ATXN3: variants seen among roughly 807,000 people sequenced by gnomAD.
ATXN3 encodes the protein ataxin-3.
In ATXN3, 28 loss-of-function variants were observed where a neutral mutation model predicts 58.2. The ratio of observed to expected loss-of-function variants is 0.48; its 90% CI spans 0.36 to 0.66. The LOEUF (loss-of-function observed/expected upper bound fraction) is 0.66, where lower values mean the gene tolerates loss of function less well. Ranked by LOEUF, ATXN3 falls within the 30% of genes least tolerant of loss-of-function variation. ATXN3 has a pLI of 0.00. For synonymous variants in ATXN3, 113 were observed against 138.5 expected, an observed-to-expected ratio of 0.82 and a Z score of 1.29; for missense variants, 321 against 422.1, an observed-to-expected ratio of 0.76 and a Z score of 2.10.
intron 9 of ATXN3, among the ~76,000 whole-genome samples, chr14:92,078,323 GT>G (rs963838970): frequency 6.6e-6 from 1 of 151,114 alleles, no homozygotes; most frequent in Non-Finnish European, 1.5e-5. Context: ...TAGAATGTTA[GT>G]TTTTCTAATT....
upstream of ATXN3, among the ~76,000 whole-genome samples, chr14:92,051,068 C>T (rs1194867496): frequency 6.6e-6 from 1 of 152,192 alleles, no homozygotes; most frequent in Non-Finnish European, 1.5e-5. Context: ...TAATTTTAGA[C>T]ATTACCAACT....
chr14:92,082,224 T>C (rs2061598252), intron 8 of ATXN3, 76 bp downstream of exon 8: 1 of 1,484,002 alleles, frequency 6.7e-7, no homozygotes, highest in Non-Finnish European at 9.1e-7. Flanking sequence ...AAGAGTACAT[T>C]AACTTCCATG....
intron 1 of ATXN3, among the ~76,000 whole-genome samples, chr14:92,103,203 G>A (rs750040795): frequency 6.6e-6 from 1 of 151,498 alleles, no homozygotes; most frequent in Non-Finnish European, 1.5e-5. Context: ...AAAGGTTTAA[G>A]TTAGGGGTTG....
At chr14:92,089,299 A>ATGTG in intron 5 of ATXN3, among the ~76,000 whole-genome samples, 1 of 141,020 alleles carries the variant, frequency 7.1e-6, no homozygotes, top group South Asian at 2.3e-4. Flanking sequence ...GATTACAAAC[A>ATGTG]TGAGCCACTG....
At chr14:92,070,512 G>T (rs919406139) in intron 10 of ATXN3, among the ~76,000 whole-genome samples, 1 of 152,200 alleles carries the variant, frequency 6.6e-6, no homozygotes, top group Non-Finnish European at 1.5e-5. Flanking sequence ...CCAGGAAGCA[G>T]AGCTTGCAGT....
At chr14:92,083,471 T>C (rs777008986) in intron 6 of ATXN3, 83 of 664,210 alleles carry the variant, frequency 1.2e-4, no homozygotes, top group African/African-American at 9.1e-4. Flanking sequence ...ACTTTCTCCA[T>C]TGTAAGACTG....
chr14:92,079,100 C>T (rs949044768), intron 9 of ATXN3, among the ~76,000 whole-genome samples: 11 of 149,582 alleles, frequency 7.4e-5, no homozygotes, highest in Middle Eastern at 7.0e-3. Context: ...GTGGGAGAAT[C>T]GCTTGAACTC....
chr14:92,106,513 G>C lies in ATXN3; in HGVS notation c.24+16C>G. On this transcript the variant is annotated intron_variant, in intron 1 of 10. Coordinates refer to ENST00000644486, the MANE Select transcript of ATXN3 (RefSeq NM_004993.6). ...ACCGCGCGGCAGACAGCTCCCCACC[G>C]AACGCGGACACTCACTTTCTCGTGG... 1 of 1,613,152 alleles carries C rather than the reference G, an allele frequency of 6.2e-7. No individual in the cohort carries two copies. The highest frequency in any genetic ancestry group is 8.5e-7 in the Non-Finnish European group (1 of 1,179,526).
intron 1 of ATXN3, among the ~76,000 whole-genome samples, chr14:92,104,420 T>G (rs1285775949): frequency 2.6e-5 from 4 of 152,104 alleles, no homozygotes; most frequent in Non-Finnish European, 4.4e-5. Flanking sequence ...TGTGAGCCAC[T>G]GCACCCAGAC....
intron 1 of ATXN3, among the ~76,000 whole-genome samples, chr14:92,103,210 G>A (rs1214127511): frequency 6.6e-6 from 1 of 151,818 alleles, no homozygotes; most frequent in Non-Finnish European, 1.5e-5. Flanking sequence ...TAAGTTAGGG[G>A]TTGGCAAACT....
downstream of ATXN3, chr14:92,058,351 TA>T (rs1273774503): frequency 2.0e-5 from 3 of 152,164 alleles, no homozygotes; most frequent in African/African-American, 7.2e-5. Flanking sequence ...CCTCCATCCA[TA>T]CTTTTTTCCT....
In ATXN3 at chr14:92,096,700, T is replaced by C. The variant is rs1419185217; in HGVS notation, c.163A>G (p.Ser55Gly). Reference sequence around the variant, plus strand: ...TGTAAAAACGTGCGATAATCTTCACTAGTAACTCCTCCTTCTGCCATTCTC... The same window carrying C: ...TGTAAAAACGTGCGATAATCTTCACCAGTAACTCCTCCTTCTGCCATTCTC... Reference protein sequence around the residue: ...RMRMAEGGVTSEDYRTFLQQP... With the variant: ...RMRMAEGGVTGEDYRTFLQQP... Residue 55 changes from serine (S) to glycine (G), a missense_variant, in exon 2 of 11, where the codon AGT (serine) becomes GGT (glycine). This residue lies in a region of ATXN3 where 121 missense variants were observed against 198.9 expected (regional missense o/e 0.61). Coordinates refer to ENST00000644486, the MANE Select transcript of ATXN3 (RefSeq NM_004993.6). 1.9e-6 allele frequency: 3 copies of C among 1,613,224 alleles called. No homozygotes were observed. The highest frequency in any genetic ancestry group is 2.5e-6 in the Non-Finnish European group (3 of 1,179,702).
chr14:92,064,391 T>C lies in ATXN3; in HGVS notation c.1015A>G (p.Met339Val). 3 of 1,613,134 alleles carry C rather than the reference T, an allele frequency of 1.9e-6. No individual in the cohort carries two copies. The highest frequency in any genetic ancestry group is 2.5e-6 in the Non-Finnish European group (3 of 1,179,412). The change falls in exon 11 of 11, where the codon ATG (methionine) becomes GTG (valine). Residue 339 changes from methionine to valine, a missense_variant. By Grantham distance (21) the Met-to-Val change is conservative (BLOSUM62 1). Around this residue, in one of 2 missense-constraint regions of ATXN3, gnomAD observed 200 missense variants for 223.2 expected, o/e 0.90. Coordinates refer to ENST00000644486, the MANE Select transcript of ATXN3 (RefSeq NM_004993.6). ...GACATGGTCACAGCTGCCTGAAGCATGTCTTCTTCACTCATAGCATCACCT... is the reference window on the plus strand; with the variant it reads ...GACATGGTCACAGCTGCCTGAAGCACGTCTTCTTCACTCATAGCATCACCT... The part of the protein sequence containing the change: ...DLGDAMSEED[M>V]LQAAVTMSLE...
chr14:92,052,445 C>T (rs1173342148), upstream of ATXN3, among the ~76,000 whole-genome samples: 2 of 151,700 alleles, frequency 1.3e-5, no homozygotes, highest in African/African-American at 2.4e-5. Flanking sequence ...CTGGATATAG[C>T]GCCATTGCAC....
intron 10 of ATXN3, among the ~76,000 whole-genome samples, chr14:92,068,743 A>AC (rs1201613156): frequency 6.6e-6 from 1 of 152,022 alleles, no homozygotes; most frequent in Non-Finnish European, 1.5e-5. Flanking sequence ...GGCATGCGCC[A>AC]CCATGCCCGA....
intron 8 of ATXN3, among the ~76,000 whole-genome samples, chr14:92,081,380 G>A (rs1232160167): frequency 6.7e-6 from 1 of 149,282 alleles, no homozygotes; most frequent in Non-Finnish European, 1.5e-5. Flanking sequence ...GGCTGAGGCA[G>A]GAGAATCGCT....
At position 92,088,767 on chromosome 14, in the gene ATXN3, T is replaced by C. The variant is rs1360419924; in HGVS notation, c.438A>G (p.Thr146=). 1.2e-5 allele frequency: 20 copies of C among 1,612,482 alleles called. No individual in the cohort carries two copies. Among genetic ancestry groups the C allele is most frequent in the Non-Finnish European group, 1.7e-5 (20 of 1,178,834 alleles). ...ATTGAGCCAAGAAAAGTGCAAGATA[T>C]GTATCTGATATTAATTCTGGACCCG... ...LLTGPELISD[T]YLALFLAQLQ... The change falls in exon 6 of 11, where the codon ACA becomes ACG. Residue 146 remains threonine, a synonymous_variant. Transcript: ENST00000644486.
At chr14:92,082,566 T>TA (rs1376874430) in intron 7 of ATXN3, 100 bp from the exon 8 acceptor site, 9 of 1,143,672 alleles carry the variant, frequency 7.9e-6, no homozygotes, top group Non-Finnish European at 1.1e-5. Context: ...AGTCAAAACT[T>TA]AAAATGTTTT....
rs558707811 is a variant in ATXN3 at position 92,096,968 on chromosome 14, C to T, written c.25-130G>A. On this transcript the variant is annotated intron_variant, in intron 1 of 10. Transcript: ENST00000644486. ...TTTCACCCAGGCCGGAGTGCAGTGG[C>T]GCTATCTTGGCTCACTGCAAGCTCC... 5.3e-4 allele frequency: 405 copies of T among 770,084 alleles called. 1 individual carries two copies. In the African/African-American group the frequency reaches 5.5e-3, roughly 10 times the overall value. The allele number at this position is 770,084 out of a possible 1,614,324, so 47.7% of individuals were successfully genotyped here.
Sources: allele counts gnomAD v4.1 joint callset (sites outside exome capture counted in the v4.1 genomes callset), GRCh38; gene constraint gnomAD v4.1.1; regional missense constraint gnomAD v4.1.1; transcripts MANE v1.5; gene names NCBI Gene and HGNC (gene_info 2026-07-23, HGNC 2026-07-21).